PDE1A: variants seen among roughly 807,000 people sequenced by gnomAD.
PDE1A encodes the protein dual specificity calcium/calmodulin-dependent 3',5'-cyclic nucleotide phosphodiesterase 1A.
In PDE1A, 35 loss-of-function variants were observed where a neutral mutation model predicts 61.7. That is an observed-to-expected ratio of 0.57 (90% CI 0.43 to 0.75). PDE1A has a LOEUF of 0.75. Ranked by LOEUF, PDE1A falls within the 30% of genes least tolerant of loss-of-function variation. PDE1A has a pLI of 0.00. For synonymous variants in PDE1A, 232 were observed against 213.2 expected (o/e 1.09, Z -0.77); for missense variants, 597 against 630.6 (o/e 0.95, Z 0.57).
rs186720069 is a variant in PDE1A, at chr2:182,238,017, C to A, written c.350+2093G>T. Among the ~76,000 whole-genome samples, 7 of 151,968 alleles carry A rather than the reference C, an allele frequency of 4.6e-5. No individual in the cohort carries two copies. In the East Asian group the frequency reaches 1.4e-3, roughly 29 times the overall value. On this transcript the variant is annotated intron_variant, in intron 3 of 13. Transcript: ENST00000351439. ...GGCACGGTGGCTCACGCCTGTAATC[C>A]CAGCACTTCGGGAGGCCTAGGTGGG...
chr2:182,652,750 G>A, the PDE1A span, among the ~76,000 whole-genome samples: 2 of 152,070 alleles, frequency 1.3e-5, no homozygotes, highest in Non-Finnish European at 2.9e-5. Flanking sequence ...GCTGCAACTG[G>A]TACCCAAATC....
intron 1 of PDE1A, among the ~76,000 whole-genome samples, chr2:182,372,531 G>T (rs1227571631): frequency 6.6e-6 from 1 of 152,206 alleles, no homozygotes; most frequent in Admixed American, 6.5e-5. Context: ...GTTATATGCT[G>T]CTGATATTAC....
At chr2:182,434,761 CAG>C (rs535003547) in intron 2 of PDE1A, among the ~76,000 whole-genome samples, 85 of 152,086 alleles carry the variant, frequency 5.6e-4, no homozygotes, top group African/African-American at 1.8e-3. Context: ...TTTTCTACCT[CAG>C]GGGAAAATTT....
intron 1 of PDE1A, among the ~76,000 whole-genome samples, chr2:182,405,662 CAAA>C (rs770657054): frequency 2.0e-5 from 3 of 152,088 alleles, no homozygotes; most frequent in Non-Finnish European, 2.9e-5. Flanking sequence ...TCAAAGGGTA[CAAA>C]GTTTGAGTTA....
chr2:182,373,191 G>A (rs989831803), intron 1 of PDE1A, among the ~76,000 whole-genome samples: 7 of 152,146 alleles, frequency 4.6e-5, no homozygotes, highest in Non-Finnish European at 1.5e-5. Flanking sequence ...ATCAAACACT[G>A]CATTATAATA....
chr2:182,560,986 T>A, the PDE1A span, among the ~76,000 whole-genome samples: 1 of 150,074 alleles, frequency 6.7e-6, no homozygotes, highest in African/African-American at 2.4e-5. Flanking sequence ...GTTGCGAAAA[T>A]TTTCTCCCAT....
intron 2 of PDE1A, among the ~76,000 whole-genome samples, chr2:182,498,465 A>C (rs1688857328): frequency 6.6e-6 from 1 of 152,116 alleles, no homozygotes; most frequent in African/African-American, 2.4e-5. Flanking sequence ...AGAGGAGAAA[A>C]AAATATAAGA....
At chr2:182,316,879 G>A (rs1487788575) in intron 1 of PDE1A, among the ~76,000 whole-genome samples, 1 of 152,142 alleles carries the variant, frequency 6.6e-6, no homozygotes, top group Non-Finnish European at 1.5e-5. Flanking sequence ...AAGAAAATCT[G>A]CCAAATTGCT....
chr2:182,596,971 T>G, the PDE1A span, among the ~76,000 whole-genome samples: 2 of 151,558 alleles, frequency 1.3e-5, no homozygotes, highest in South Asian at 2.1e-4. Context: ...CTGGGCAACA[T>G]GGCAAACCCC....
At chr2:182,509,832 T>G (rs966479768) in intron 2 of PDE1A, among the ~76,000 whole-genome samples, 2 of 152,208 alleles carry the variant, frequency 1.3e-5, no homozygotes, top group Non-Finnish European at 2.9e-5. Flanking sequence ...TTGAACCAAC[T>G]CTTAGAAAGT....
chr2:182,563,249 T>C, the PDE1A span, among the ~76,000 whole-genome samples: 6 of 152,226 alleles, frequency 3.9e-5, no homozygotes, highest in African/African-American at 1.4e-4. Flanking sequence ...GAGTCTGGTA[T>C]GTTGTACCTT....
the PDE1A span, among the ~76,000 whole-genome samples, chr2:182,549,386 G>A: frequency 3.8e-3 from 576 of 152,092 alleles, 2 homozygotes; most frequent in Middle Eastern, 0.038. Context: ...AAAGAACATA[G>A]GAAATTAAAA....
At chr2:182,559,502 C>T in the PDE1A span, among the ~76,000 whole-genome samples, 4 of 152,100 alleles carry the variant, frequency 2.6e-5, no homozygotes, top group Non-Finnish European at 5.9e-5. Context: ...GGGTATAGAG[C>T]AACCAGAATT....
intron 2 of PDE1A, among the ~76,000 whole-genome samples, chr2:182,521,783 G>A (rs567118971): frequency 1.7e-4 from 26 of 152,064 alleles, no homozygotes; most frequent in East Asian, 5.8e-4. Flanking sequence ...TTTTTATCAC[G>A]TAAACATTTT....
At chr2:182,300,153 C>G (rs1222076994) in intron 1 of PDE1A, among the ~76,000 whole-genome samples, 1 of 152,174 alleles carries the variant, frequency 6.6e-6, no homozygotes, top group African/African-American at 2.4e-5. Flanking sequence ...TTCAGATTTT[C>G]AAGTCAGTTC....
rs535215724 is a variant in PDE1A, at chr2:182,256,087, C to CT, written c.167+8213dup. On this transcript the variant is annotated intron_variant, in intron 2 of 13. Coordinates refer to ENST00000351439, the Ensembl canonical transcript of PDE1A. Reference sequence around the variant, plus strand: ...GTTTATTTTTCTTTTATTTTTCTTTCTTTTTTTTTTATTATACTTTAAGTT... The same window carrying CT: ...GTTTATTTTTCTTTTATTTTTCTTTCTTTTTTTTTTTATTATACTTTAAGTT... 3.9e-3 allele frequency among the ~76,000 whole-genome samples: 202 copies of CT among 52,032 alleles called. 1 individual carries two copies. The East Asian group carries it at 0.043, about 11-fold the overall frequency. 34.1% of individuals were successfully genotyped at this position (52,032 alleles called of 152,430 possible). A position where few individuals can be genotyped will look rare whatever the true frequency, so the allele number is the denominator to read the frequency against.
At chr2:182,305,284 C>T (rs369580334) in intron 1 of PDE1A, among the ~76,000 whole-genome samples, 1 of 152,028 alleles carries the variant, frequency 6.6e-6, no homozygotes, top group Non-Finnish European at 1.5e-5. Flanking sequence ...CAACTTCCCC[C>T]GTTGTTAAGT....
At chr2:182,640,040 T>C in the PDE1A span, among the ~76,000 whole-genome samples, 5 of 152,138 alleles carry the variant, frequency 3.3e-5, no homozygotes, top group African/African-American at 9.6e-5. Context: ...GGGAAAATAA[T>C]TCAGGCTGTA....
intron 3 of PDE1A, among the ~76,000 whole-genome samples, chr2:182,234,804 A>G (rs1244055293): frequency 6.6e-6 from 1 of 152,224 alleles, no homozygotes; most frequent in Non-Finnish European, 1.5e-5. Context: ...ATATGCAACA[A>G]CTTTCTAACA....
Sources: gnomAD v4.1 joint callset for allele counts (sites outside exome capture counted in the v4.1 genomes callset) on GRCh38, gnomAD v4.1.1 for gene constraint, MANE v1.5 for transcripts, NCBI Gene and HGNC (gene_info 2026-07-23, HGNC 2026-07-21) for gene names.